ZNF277: variants seen among roughly 807,000 people sequenced by gnomAD.
ZNF277 encodes nuclear receptor-interacting factor 4.
A neutral mutation model predicts 60.7 loss-of-function variants in ZNF277; 55 were observed. The observed-to-expected ratio is 0.91, with a 90% confidence interval of 0.73 to 1.13. The LOEUF is 1.13. Ranked by LOEUF, ZNF277 falls within the 50% of genes most tolerant of loss-of-function variation. The pLI is 0.00. For missense variants in ZNF277, 510 were observed against 523.0 expected (o/e 0.98, Z 0.24); for synonymous variants, 178 against 179.3 (o/e 0.99, Z 0.06).
intron 4 of ZNF277, among the ~76,000 whole-genome samples, chr7:112,311,653 C>T (rs1394360658): frequency 6.7e-6 from 1 of 148,566 alleles, no homozygotes; most frequent in East Asian, 2.0e-4. Flanking sequence ...TGACTTCAAA[C>T]ATATGCCACA....
intron 7 of ZNF277, among the ~76,000 whole-genome samples, chr7:112,334,474 A>G (rs1793292473): frequency 6.7e-6 from 1 of 148,974 alleles, no homozygotes; most frequent in African/African-American, 2.5e-5. Context: ...AAATCAGAGC[A>G]CTCTAGGAAA....
chr7:112,278,325 C>T (rs193142590), intron 1 of ZNF277, among the ~76,000 whole-genome samples: 1 of 152,286 alleles, frequency 6.6e-6, no homozygotes, highest in East Asian at 1.9e-4. Context: ...AACCTAACCT[C>T]GGCTTCACTC....
chr7:112,271,156 G>T (rs964280694), intron 1 of ZNF277, among the ~76,000 whole-genome samples: 1 of 152,086 alleles, frequency 6.6e-6, no homozygotes, highest in African/African-American at 2.4e-5. Context: ...TAATTGTTAT[G>T]AGTAATTTGC....
At chr7:112,317,249 G>A (rs1196352987) in intron 4 of ZNF277, among the ~76,000 whole-genome samples, 1 of 152,014 alleles carries the variant, frequency 6.6e-6, no homozygotes, top group Non-Finnish European at 1.5e-5. Context: ...TGTGGCACAT[G>A]TCACTATGTA....
intron 1 of ZNF277, among the ~76,000 whole-genome samples, chr7:112,231,269 TA>T (rs1822321392): frequency 6.6e-6 from 1 of 152,044 alleles, no homozygotes; most frequent in Non-Finnish European, 1.5e-5. Context: ...AAAATTTTTT[TA>T]AAAAGAAACT....
chr7:112,282,101 G>A (rs1315993012), intron 1 of ZNF277, among the ~76,000 whole-genome samples: 1 of 152,216 alleles, frequency 6.6e-6, no homozygotes, highest in Admixed American at 6.5e-5. Context: ...AAAGTGCTGG[G>A]ATTACAGGCA....
At position 112,269,201 on chromosome 7, in the gene ZNF277, A is replaced by AT. The variant is rs1309246236; in HGVS notation, c.92-17664dup. Reference sequence around the variant, plus strand: ...CAAATTAAATTTTAAAATACAATGGATTTTTTTTGTTTTTTTTTTGTTTGT... The same window carrying AT: ...CAAATTAAATTTTAAAATACAATGGATTTTTTTTTGTTTTTTTTTTGTTTGT... On this transcript the variant is annotated intron_variant, in intron 1 of 11. Coordinates refer to ENST00000361822, the MANE Select transcript of ZNF277 (RefSeq NM_021994.3). Among the ~76,000 whole-genome samples the AT allele has an allele frequency of 3.3e-4, 24 of 72,108 alleles. 1 individual carries two copies. Among genetic ancestry groups the AT allele is most frequent in the African/African-American group, 1.4e-3 (17 of 11,808 alleles). 47.3% of individuals were successfully genotyped at this position (72,108 alleles called of 152,430 possible).
At chr7:112,247,756 T>C (rs975029137) in intron 1 of ZNF277, among the ~76,000 whole-genome samples, 1 of 151,964 alleles carries the variant, frequency 6.6e-6, no homozygotes, top group Admixed American at 6.6e-5. Context: ...TCACCTGAGG[T>C]CAGGAGTTCG....
chr7:112,321,517 A>G (rs1184522644), intron 5 of ZNF277, among the ~76,000 whole-genome samples: 1 of 152,140 alleles, frequency 6.6e-6, no homozygotes, highest in Non-Finnish European at 1.5e-5. Flanking sequence ...AAATGCGATT[A>G]TACTGTATTT....
chr7:112,225,730 T>C (rs1487862094), intron 1 of ZNF277, among the ~76,000 whole-genome samples: 1 of 152,202 alleles, frequency 6.6e-6, no homozygotes, highest in Non-Finnish European at 1.5e-5. Context: ...CATTTCACGC[T>C]TTTAAGATAT....
intron 1 of ZNF277, among the ~76,000 whole-genome samples, chr7:112,224,799 A>G (rs35330025): frequency 5.3e-5 from 8 of 152,226 alleles, no homozygotes; most frequent in Non-Finnish European, 8.8e-5. Context: ...ACACAGCTAC[A>G]AGTAAACTGG....
chr7:112,219,359 G>A (rs1033743839), intron 1 of ZNF277, among the ~76,000 whole-genome samples: 2 of 152,090 alleles, frequency 1.3e-5, no homozygotes, highest in Non-Finnish European at 2.9e-5. Context: ...CGGGTCTTAG[G>A]TTGAAGCCTT....
chr7:112,284,470 A>G (rs1280573270), intron 1 of ZNF277, among the ~76,000 whole-genome samples: 1 of 152,184 alleles, frequency 6.6e-6, no homozygotes, highest in African/African-American at 2.4e-5. Context: ...CTCTTCCTCC[A>G]TTCTGTTTTT....
chr7:112,236,422 T>G (rs1345653691), intron 1 of ZNF277, among the ~76,000 whole-genome samples: 4 of 152,094 alleles, frequency 2.6e-5, no homozygotes, highest in African/African-American at 9.7e-5. Context: ...TTTAGTTTTT[T>G]TCTTGTATTT....
intron 4 of ZNF277, among the ~76,000 whole-genome samples, chr7:112,305,588 T>C (rs1792570307): frequency 6.6e-6 from 1 of 151,772 alleles, no homozygotes; most frequent in Non-Finnish European, 1.5e-5. Context: ...ATACTAAACT[T>C]TTAATGAGCC....
chr7:112,281,991 C>A (rs1457032784), intron 1 of ZNF277, among the ~76,000 whole-genome samples: 1 of 152,176 alleles, frequency 6.6e-6, no homozygotes, highest in Non-Finnish European at 1.5e-5. Context: ...TGCCACCACG[C>A]CCTGCTAATT....
intron 1 of ZNF277, among the ~76,000 whole-genome samples, chr7:112,214,255 A>G (rs555102282): frequency 6.6e-6 from 1 of 152,360 alleles, no homozygotes; most frequent in South Asian, 2.1e-4. Context: ...TCTAAATATA[A>G]ATCACGAGTA....
chr7:112,242,838 C>T (rs984268890), intron 1 of ZNF277, among the ~76,000 whole-genome samples: 3 of 151,878 alleles, frequency 2.0e-5, no homozygotes. Context: ...CACATGGAAC[C>T]ACAAAAGAGC....
At chr7:112,342,493 T>C in intron 11 of ZNF277, 68 bp from the exon 12 acceptor site, 1 of 1,314,126 alleles carries the variant, frequency 7.6e-7, no homozygotes, top group Non-Finnish European at 1.0e-6. Context: ...AGTAAATGTG[T>C]ACATTCAGCT....
Sources: allele counts gnomAD v4.1 joint callset (sites outside exome capture counted in the v4.1 genomes callset), GRCh38; gene constraint gnomAD v4.1.1; transcripts MANE v1.5; gene names NCBI Gene and HGNC (gene_info 2026-07-23, HGNC 2026-07-21).